B3GLCT: variants seen among roughly 807,000 people sequenced by gnomAD.
B3GLCT encodes the protein beta 3-glucosyltransferase, also known as beta-1,3-glucosyltransferase.
B3GLCT carries 65 observed loss-of-function variants against 63.4 expected under a neutral mutation model. The ratio of observed to expected loss-of-function variants is 1.03; its 90% confidence interval spans 0.84 to 1.26. B3GLCT has a LOEUF of 1.26. Ranked by LOEUF, B3GLCT falls within the 50% of genes most tolerant of loss-of-function variation. The pLI is 0.00. For synonymous variants in B3GLCT, 233 were observed against 219.2 expected, an observed-to-expected ratio of 1.06 and a Z score of -0.55; for missense variants, 577 against 604.8, an observed-to-expected ratio of 0.95 and a Z score of 0.48.
intron 12 of B3GLCT, among the ~76,000 whole-genome samples, chr13:31,308,348 A>T (rs1191583900): frequency 3.8e-3 from 30 of 7,964 alleles, no homozygotes; most frequent in South Asian, 0.03. Flanking sequence ...AAAAAAAATT[A>T]AAAAAAAAAA....
intron 12 of B3GLCT, among the ~76,000 whole-genome samples, chr13:31,309,462 A>G (rs755220597): frequency 2.0e-5 from 3 of 152,216 alleles, no homozygotes; most frequent in Non-Finnish European, 2.9e-5. Flanking sequence ...GCTTCCCCAG[A>G]CACCAGTCAT....
chr13:31,220,883 A>G (rs1480170761), intron 2 of B3GLCT, among the ~76,000 whole-genome samples: 1 of 152,222 alleles, frequency 6.6e-6, no homozygotes, highest in Non-Finnish European at 1.5e-5. Context: ...GAACTGTAGC[A>G]TTCTGGATAT....
At chr13:31,295,280 G>A (rs1260265045) in intron 12 of B3GLCT, among the ~76,000 whole-genome samples, 1 of 152,178 alleles carries the variant, frequency 6.6e-6, no homozygotes, top group African/African-American at 2.4e-5. Context: ...TCCCAGTCAG[G>A]AGGCACAGGG....
At chr13:31,329,204 A>T (rs1875789156) in intron 14 of B3GLCT, among the ~76,000 whole-genome samples, 1 of 152,238 alleles carries the variant, frequency 6.6e-6, no homozygotes, top group Admixed American at 6.5e-5. Context: ...TAAATGGCTT[A>T]TCAAAGAAAG....
chr13:31,222,863 C>T, intron 2 of B3GLCT, 89 bp from the exon 3 acceptor site: 1 of 885,060 alleles, frequency 1.1e-6, no homozygotes, highest in South Asian at 1.3e-5. Context: ...TGTGCTGATA[C>T]ATACCATGCA....
chr13:31,241,456 G>A (rs1870938670), intron 4 of B3GLCT, among the ~76,000 whole-genome samples: 1 of 152,236 alleles, frequency 6.6e-6, no homozygotes, highest in Admixed American at 6.5e-5. Flanking sequence ...CCAGTGGTGT[G>A]TGATGCCCAG....
chr13:31,224,193 T>C (rs1869976863), intron 3 of B3GLCT, among the ~76,000 whole-genome samples: 1 of 152,070 alleles, frequency 6.6e-6, no homozygotes, highest in African/African-American at 2.4e-5. Flanking sequence ...CCACGTCAAT[T>C]TGTTGCTTTT....
chr13:31,226,201 C>A (rs941374387), intron 3 of B3GLCT, among the ~76,000 whole-genome samples: 1 of 152,234 alleles, frequency 6.6e-6, no homozygotes, highest in Non-Finnish European at 1.5e-5. Flanking sequence ...TGGCTTTCCA[C>A]TTACTGCTTT....
chr13:31,328,836 G>T (rs1243167661), intron 14 of B3GLCT, among the ~76,000 whole-genome samples: 1 of 150,790 alleles, frequency 6.6e-6, no homozygotes, highest in Non-Finnish European at 1.5e-5. Context: ...ATCTAGTTCT[G>T]CTTAAGTTTT....
At chr13:31,233,691 G>C (rs910553932) in intron 4 of B3GLCT, among the ~76,000 whole-genome samples, 1 of 152,126 alleles carries the variant, frequency 6.6e-6, no homozygotes. Context: ...GGGTACACTT[G>C]GGCTGGGAAG....
chr13:31,274,757 A>G (rs1872706692), intron 9 of B3GLCT, 129 bp downstream of exon 9: 2 of 1,142,650 alleles, frequency 1.8e-6, no homozygotes, highest in South Asian at 1.3e-5. Context: ...TTATAAGGGT[A>G]TATTGTGTGA....
chr13:31,202,168 A>G (rs537036704), intron 1 of B3GLCT, among the ~76,000 whole-genome samples: 1 of 152,228 alleles, frequency 6.6e-6, no homozygotes, highest in Admixed American at 6.5e-5. Context: ...CCCATATAAG[A>G]TTGGCCTGAC....
intron 7 of B3GLCT, among the ~76,000 whole-genome samples, chr13:31,268,633 C>G (rs140507089): frequency 2.6e-5 from 4 of 152,022 alleles, no homozygotes; most frequent in African/African-American, 7.3e-5. Context: ...GGTGTGTGCT[C>G]TGGGTGTAGC....
intron 8 of B3GLCT, among the ~76,000 whole-genome samples, chr13:31,273,386 G>A (rs987457907): frequency 6.6e-6 from 1 of 152,202 alleles, no homozygotes; most frequent in Non-Finnish European, 1.5e-5. Context: ...GAGCCACCAC[G>A]CCCAGCCTCA....
intron 12 of B3GLCT, chr13:31,311,712 T>C (rs1235310320): frequency 6.6e-6 from 1 of 152,176 alleles, no homozygotes; most frequent in Non-Finnish European, 1.5e-5. Context: ...CCACATGTCT[T>C]TATGTCTTTC....
At chr13:31,227,212 A>G (rs1593257058) in intron 3 of B3GLCT, among the ~76,000 whole-genome samples, 1 of 152,118 alleles carries the variant, frequency 6.6e-6, no homozygotes, top group African/African-American at 2.4e-5. Flanking sequence ...TCTTTTACAC[A>G]GTGCCACTGT....
intron 14 of B3GLCT, among the ~76,000 whole-genome samples, chr13:31,326,770 T>A (rs778147971): frequency 3.9e-5 from 6 of 152,182 alleles, no homozygotes; most frequent in Non-Finnish European, 5.9e-5. Flanking sequence ...AGATACCATT[T>A]TGGATGTATT....
intron 13 of B3GLCT, among the ~76,000 whole-genome samples, chr13:31,323,142 A>G (rs1875414341): frequency 6.6e-6 from 1 of 152,208 alleles, no homozygotes; most frequent in Admixed American, 6.5e-5. Context: ...GCATTAGGTA[A>G]AACTGCTGAA....
intron 14 of B3GLCT, among the ~76,000 whole-genome samples, chr13:31,328,086 G>A (rs1219173650): frequency 6.6e-6 from 1 of 152,166 alleles, no homozygotes; most frequent in African/African-American, 2.4e-5. Flanking sequence ...GTGTTTGCTA[G>A]TCATGTTACT....
Sources: gnomAD v4.1 joint callset for allele counts (sites outside exome capture counted in the v4.1 genomes callset) on GRCh38, gnomAD v4.1.1 for gene constraint, MANE v1.5 for transcripts, NCBI Gene and HGNC (gene_info 2026-07-23, HGNC 2026-07-21) for gene names.